The following NHS variants were observed in gnomAD, a reference collection of about 807,000 sequenced individuals.
NHS encodes the protein actin remodeling regulator NHS.
Under a neutral mutation model 72.5 loss-of-function variants are expected in NHS, and 5 were observed. The ratio of observed to expected loss-of-function variants is 0.07; its 90% CI spans 0.04 to 0.14. The LOEUF (loss-of-function observed/expected upper bound fraction) is 0.14, where lower values mean the gene tolerates loss of function less well. Among genes scored for constraint, NHS ranks in the 10% least tolerant of loss-of-function variants. NHS has a pLI of 1.00. For missense variants in NHS, 1,072 were observed against 1,355.7 expected (o/e 0.79, Z 3.29); for synonymous variants, 464 against 547.7 (o/e 0.85, Z 2.13).
intron 1 of NHS, among the ~76,000 whole-genome samples, chrX:17,593,815 C>T (rs750862161): frequency 6.3e-5 from 7 of 111,473 alleles, no homozygotes; most frequent in South Asian, 3.8e-4. Flanking sequence ...ACTAAGGTTT[C>T]GAGGGGTTTT....
At chrX:17,515,758 A>G (rs759617692) in intron 1 of NHS, among the ~76,000 whole-genome samples, 33 of 111,876 alleles carry the variant, frequency 2.9e-4, no homozygotes, top group Admixed American at 8.5e-4. Context: ...TCTCACAACA[A>G]CCCTATGGGA....
At chrX:17,590,138 G>A (rs758842839) in intron 1 of NHS, among the ~76,000 whole-genome samples, 1 of 112,091 alleles carries the variant, frequency 8.9e-6, no homozygotes, top group Non-Finnish European at 1.9e-5. Context: ...GTGAGGGTGT[G>A]ATGAGACAGA....
intron 1 of NHS, among the ~76,000 whole-genome samples, chrX:17,668,347 C>T (rs976170484): frequency 3.6e-5 from 4 of 111,772 alleles, no homozygotes. Context: ...GAAAATGAGC[C>T]ATCAGAGAAA....
chrX:17,575,825 G>T (rs1048356407), intron 1 of NHS, among the ~76,000 whole-genome samples: 1 of 111,500 alleles, frequency 9.0e-6, no homozygotes, highest in Non-Finnish European at 1.9e-5. Flanking sequence ...AAGCATGAAG[G>T]GTTATGGCTG....
intron 1 of NHS, among the ~76,000 whole-genome samples, chrX:17,496,669 A>G (rs775819280): frequency 4.5e-5 from 5 of 111,424 alleles, no homozygotes; most frequent in African/African-American, 9.8e-5. Flanking sequence ...ACTAGAATAC[A>G]CCACCCGTTC....
intron 1 of NHS, among the ~76,000 whole-genome samples, chrX:17,547,469 T>C (rs777180970): frequency 1.5e-4 from 17 of 112,329 alleles, no homozygotes; most frequent in African/African-American, 5.5e-4. Flanking sequence ...GTCCAGCCAG[T>C]ATTCATTCAG....
At chrX:17,686,578 C>T (rs1308412963) in intron 1 of NHS, among the ~76,000 whole-genome samples, 1 of 112,468 alleles carries the variant, frequency 8.9e-6, no homozygotes, top group Non-Finnish European at 1.9e-5. Context: ...GCTTTCTGTT[C>T]TGTCCCTTCT....
chrX:17,594,971 T>C (rs968830128), intron 1 of NHS, among the ~76,000 whole-genome samples: 1 of 112,121 alleles, frequency 8.9e-6, no homozygotes, highest in Admixed American at 9.4e-5. Flanking sequence ...ATGATTCCCA[T>C]TGGCCAAGGG....
chrX:17,531,997 G>A (rs1409607136), intron 1 of NHS, among the ~76,000 whole-genome samples: 1 of 110,915 alleles, frequency 9.0e-6, no homozygotes, highest in Non-Finnish European at 1.9e-5. Flanking sequence ...TTCATGGAGT[G>A]AGGACCCATT....
intron 1 of NHS, among the ~76,000 whole-genome samples, chrX:17,551,198 C>T (rs2065334450): frequency 9.0e-6 from 1 of 111,664 alleles, no homozygotes; most frequent in Admixed American, 9.5e-5. Context: ...CCACCTCCCC[C>T]ACTAGAGTGT....
chrX:17,460,598 A>G (rs1310776068), intron 1 of NHS, among the ~76,000 whole-genome samples: 1 of 111,596 alleles, frequency 9.0e-6, no homozygotes, highest in East Asian at 2.8e-4. Flanking sequence ...AGTTAATTCC[A>G]AATCACACCC....
chrX:17,632,545 C>G (rs2065825850), intron 1 of NHS, among the ~76,000 whole-genome samples: 1 of 109,825 alleles, frequency 9.1e-6, no homozygotes, highest in South Asian at 4.1e-4. Context: ...TATTGAGCAC[C>G]TATTATGTGC....
chrX:17,604,857 A>T (rs1173157423), intron 1 of NHS, among the ~76,000 whole-genome samples: 2 of 112,156 alleles, frequency 1.8e-5, no homozygotes, highest in African/African-American at 6.5e-5. Flanking sequence ...CTCACATTAG[A>T]TAAATGACCA....
chrX:17,681,750 T>G (rs1463156848), intron 1 of NHS, among the ~76,000 whole-genome samples: 1 of 112,135 alleles, frequency 8.9e-6, no homozygotes, highest in East Asian at 2.8e-4. Context: ...CTTCCTGGTA[T>G]GAAGCATCGT....
chrX:17,691,475 T>C (rs1332785585), intron 2 of NHS, among the ~76,000 whole-genome samples: 1 of 111,767 alleles, frequency 8.9e-6, no homozygotes, highest in Non-Finnish European at 1.9e-5. Flanking sequence ...GTCAGAAGAA[T>C]CCCAAGCAAA....
rs1433571019 is a variant in NHS, at chrX:17,431,619, G to T, written c.565+55297G>T. Reference sequence around the variant, plus strand: ...ATCCCATGGAGAATGTGAGGAGTGTGTGTAGTGATGGTGAGGGGCATGGCA... The same window carrying T: ...ATCCCATGGAGAATGTGAGGAGTGTTTGTAGTGATGGTGAGGGGCATGGCA... On this transcript the variant is annotated intron_variant, in intron 1 of 8. Transcript: ENST00000676302. Among the ~76,000 whole-genome samples, 5 of 111,819 alleles carry T rather than the reference G, an allele frequency of 4.5e-5. No homozygotes were observed. The Admixed American group carries it at 4.7e-4, about 11-fold the overall frequency.
At chrX:17,503,302 A>T (rs1306791889) in intron 1 of NHS, among the ~76,000 whole-genome samples, 1 of 112,000 alleles carries the variant, frequency 8.9e-6, no homozygotes, top group Non-Finnish European at 1.9e-5. Flanking sequence ...GATTACAGTG[A>T]AAGTGTTGTA....
chrX:17,719,101 G>A (rs2066389201), intron 3 of NHS, among the ~76,000 whole-genome samples: 1 of 98,422 alleles, frequency 1.0e-5, no homozygotes, highest in Admixed American at 1.1e-4. Flanking sequence ...AAAGGAAAGA[G>A]GGAAGGAAGG....
rs761169168 is a variant in NHS at position 17,687,748 on chromosome X, C to G, written c.572C>G (p.Ser191Cys). ...LDPKQEAVPV[S>C]NLDIESKLSV... ...CCTGTTTCTTGTCTTGCAGCCGTCT[C>G]CAACCTGGACATAGAGAGTAAGCTG... Residue 191 changes from serine (S) to cysteine (C), a missense_variant, in exon 2 of 9, where the codon TCC becomes TGC. Ser to Cys is a moderately radical substitution (Grantham distance 112). Transcript: ENST00000676302. 4.1e-6 allele frequency: 5 copies of G among 1,211,907 alleles called. No individual in the cohort carries two copies. In the South Asian group the frequency reaches 8.8e-5, roughly 21 times the overall value.
Sources: gnomAD v4.1 joint callset for allele counts (sites outside exome capture counted in the v4.1 genomes callset) on GRCh38, gnomAD v4.1.1 for gene constraint, MANE v1.5 for transcripts, NCBI Gene and HGNC (gene_info 2026-07-23, HGNC 2026-07-21) for gene names.